Variants in PHLPP1 observed in about 807,000 individuals in gnomAD.
The protein encoded by PHLPP1 is PH domain and leucine rich repeat protein phosphatase 1, also known as PH domain leucine-rich repeat-containing protein phosphatase 1.
PHLPP1 carries 42 observed loss-of-function variants against 117.2 expected under a neutral mutation model. The observed-to-expected ratio is 0.36, with a 90% CI of 0.28 to 0.46. The LOEUF (loss-of-function observed/expected upper bound fraction) is 0.46, where lower values mean the gene tolerates loss of function less well. Ranked by LOEUF, PHLPP1 falls within the 20% of genes least tolerant of loss-of-function variation. PHLPP1 has a pLI of 1.00. For synonymous variants in PHLPP1, 1,042 were observed against 970.7 expected (o/e 1.07, Z -1.37); for missense variants, 2,084 against 2,241.9 (o/e 0.93, Z 1.42).
chr18:62,841,045 G>T (rs1406861587), intron 3 of PHLPP1, among the ~76,000 whole-genome samples: 1 of 151,936 alleles, frequency 6.6e-6, no homozygotes, highest in Non-Finnish European at 1.5e-5. Context: ...ATGTGCACAT[G>T]CCTGGCTAAT....
intron 1 of PHLPP1, among the ~76,000 whole-genome samples, chr18:62,784,673 G>A (rs955033587): frequency 3.3e-5 from 5 of 152,194 alleles, no homozygotes; most frequent in Admixed American, 1.3e-4. Context: ...ACGTGTTAAC[G>A]TTTTGGACTA....
At chr18:62,742,549 C>T (rs1029400009) in intron 1 of PHLPP1, among the ~76,000 whole-genome samples, 2 of 152,236 alleles carry the variant, frequency 1.3e-5, no homozygotes, top group African/African-American at 4.8e-5. Context: ...GATTCTCCTG[C>T]CTCAGCCTCC....
chr18:62,746,915 A>G (rs1168740576), intron 1 of PHLPP1, among the ~76,000 whole-genome samples: 1 of 152,166 alleles, frequency 6.6e-6, no homozygotes, highest in Non-Finnish European at 1.5e-5. Flanking sequence ...ATTCAAATGT[A>G]TCTAATGGTT....
Position 62,920,300 on chromosome 18 carries a change from A to G in PHLPP1, c.2960+186A>G, listed in dbSNP as rs1037103853. Among the ~76,000 whole-genome samples the G allele has an allele frequency of 2.0e-5, 3 of 152,166 alleles. No homozygotes were observed. The South Asian group carries it at 6.2e-4, about 32-fold the overall frequency. On this transcript the variant is annotated intron_variant, in intron 10 of 16. Transcript: ENST00000262719. ...GGCGATGGAGTCAGGAGCAACCTAT[A>G]GATTCTTTATTAACTTTGCTGCTCT...
rs369608246 is a variant in PHLPP1 at position 62,760,979 on chromosome 18, C to T, written c.1576+43720C>T. ...AGCTCAGGTGATCCTCCTGCCTCAGCCTCCCAAGTAGCTGGGACTACAGGC... is the reference window on the plus strand; with the variant it reads ...AGCTCAGGTGATCCTCCTGCCTCAGTCTCCCAAGTAGCTGGGACTACAGGC... On this transcript the variant is annotated intron_variant, in intron 1 of 16. Coordinates refer to ENST00000262719, the MANE Select transcript of PHLPP1 (RefSeq NM_194449.4). Among the ~76,000 whole-genome samples, 48 of 152,242 alleles carry T rather than the reference C, an allele frequency of 3.2e-4. 1 individual carries two copies. In the East Asian group the frequency reaches 3.5e-3, roughly 11 times the overall value.
At chr18:62,758,579 C>A (rs767196890) in intron 1 of PHLPP1, among the ~76,000 whole-genome samples, 7 of 152,200 alleles carry the variant, frequency 4.6e-5, no homozygotes, top group Non-Finnish European at 8.8e-5. Context: ...TAAAGAGCCT[C>A]TGACACCTTA....
intron 1 of PHLPP1, among the ~76,000 whole-genome samples, chr18:62,792,401 A>AT (rs1381425903): frequency 3.9e-5 from 6 of 152,006 alleles, no homozygotes; most frequent in Admixed American, 1.3e-4. Context: ...TTTTTTTATA[A>AT]TTTTTTTGAT....
At chr18:62,934,058 A>G (rs1167078370) in intron 10 of PHLPP1, among the ~76,000 whole-genome samples, 1 of 152,200 alleles carries the variant, frequency 6.6e-6, no homozygotes, top group Non-Finnish European at 1.5e-5. Context: ...AATGACTATT[A>G]AGTCAAAATA....
intron 10 of PHLPP1, among the ~76,000 whole-genome samples, chr18:62,931,205 A>ACAACAACAAC (rs1555682659): frequency 6.7e-6 from 1 of 148,498 alleles, no homozygotes; most frequent in Non-Finnish European, 1.5e-5. Flanking sequence ...TAAAAAAAAA[A>ACAACAACAAC]AACAACAACA....
At chr18:62,820,413 T>C (rs764192740) in intron 1 of PHLPP1, among the ~76,000 whole-genome samples, 7 of 152,244 alleles carry the variant, frequency 4.6e-5, no homozygotes, top group African/African-American at 7.2e-5. Flanking sequence ...ATATGGAACA[T>C]TGATATGGTT....
At chr18:62,919,302 C>T (rs1413137455) in intron 9 of PHLPP1, among the ~76,000 whole-genome samples, 1 of 152,154 alleles carries the variant, frequency 6.6e-6, no homozygotes, top group East Asian at 1.9e-4. Flanking sequence ...TTACAAGAAA[C>T]ACAGCCAAGC....
Position 62,978,246 on chromosome 18 carries a change from AC to A in PHLPP1, c.3985-13del, listed in dbSNP as rs1336266570. 3 of 1,525,770 alleles carry A rather than the reference AC, an allele frequency of 2.0e-6. No individual in the cohort carries two copies. Among genetic ancestry groups the A allele is most frequent in the Non-Finnish European group, 2.7e-6 (3 of 1,110,578 alleles). 94.5% of individuals were successfully genotyped at this position (1,525,770 alleles called of 1,614,324 possible). On this transcript the variant is annotated splice_polypyrimidine_tract_variant and intron_variant, in intron 16 of 16. Coordinates refer to ENST00000262719, the MANE Select transcript of PHLPP1 (RefSeq NM_194449.4). The surrounding 1 kb of genome is among the most constrained non-coding windows in gnomAD (Gnocchi z 7.0). ...CTCTGTATTAACTGTCTGTCTGCAAACCCTTGTTCTTCCAGGATGGCAAGGT... is the reference window on the plus strand; with the variant it reads ...CTCTGTATTAACTGTCTGTCTGCAAACCTTGTTCTTCCAGGATGGCAAGGT...
chr18:62,930,257 G>A (rs1909767790), intron 10 of PHLPP1, among the ~76,000 whole-genome samples: 1 of 152,148 alleles, frequency 6.6e-6, no homozygotes, highest in Non-Finnish European at 1.5e-5. Context: ...ATATGAATAT[G>A]AAATAATTAT....
chr18:62,890,964 T>C (rs1916391840), intron 4 of PHLPP1, among the ~76,000 whole-genome samples: 1 of 152,194 alleles, frequency 6.6e-6, no homozygotes, highest in Admixed American at 6.5e-5. Flanking sequence ...AGAGCAGCAG[T>C]TTCATCTGTG....
intron 14 of PHLPP1, among the ~76,000 whole-genome samples, chr18:62,970,443 G>A (rs1473115707): frequency 6.6e-6 from 1 of 152,126 alleles, no homozygotes; most frequent in East Asian, 1.9e-4. Context: ...ATTCTATTAA[G>A]AATCACTGTT....
At position 62,891,973 on chromosome 18, in the gene PHLPP1, AATG is replaced by A. The variant is rs914262443; in HGVS notation, c.2067-3034_2067-3032del. ...GACAGTAATAAAGCATATTAACATA[AATG>A]ATGTTTTTAGTAACTTTTTAAATGA... On this transcript the variant is annotated intron_variant, in intron 4 of 16. Coordinates refer to ENST00000262719, the MANE Select transcript of PHLPP1 (RefSeq NM_194449.4). 2.3e-4 allele frequency among the ~76,000 whole-genome samples: 35 copies of A among 151,336 alleles called. 1 individual carries two copies. The highest frequency in any genetic ancestry group is 8.2e-4 in the African/African-American group (34 of 41,330).
chr18:62,766,076 AATATAT>A (rs60058262), intron 1 of PHLPP1, among the ~76,000 whole-genome samples: 255 of 21,662 alleles, frequency 0.012, 32 homozygotes, highest in African/African-American at 0.029. Context: ...AAAAAAAAAA[AATATAT>A]ATATATATAT....
intron 10 of PHLPP1, among the ~76,000 whole-genome samples, chr18:62,922,295 TC>T (rs1357511495): frequency 6.6e-6 from 1 of 152,100 alleles, no homozygotes; most frequent in Non-Finnish European, 1.5e-5. Context: ...TGCCACCACT[TC>T]CAGCTAATTT....
rs1301618037 is a variant in PHLPP1, at chr18:62,979,147, A to C, written c.4870A>C (p.Asn1624His). ...TGGGACCATTGGGCGCCGGAGGGCCAATGGCTCTGTTGCGCCCCAGGAAAG... is the reference window on the plus strand; with the variant it reads ...TGGGACCATTGGGCGCCGGAGGGCCCATGGCTCTGTTGCGCCCCAGGAAAG... ...AVGTIGRRRA[N>H]GSVAPQERSH... The change falls in exon 17 of 17, where the codon AAT becomes CAT. Residue 1624 changes from asparagine to histidine, a missense_variant. By Grantham distance (68) the Asn-to-His change is moderately conservative. Coordinates refer to ENST00000262719, the MANE Select transcript of PHLPP1 (RefSeq NM_194449.4). 6.2e-7 allele frequency: 1 copy of C among 1,613,812 alleles called. No homozygotes were observed.
Sources: gnomAD v4.1 joint callset for allele counts (sites outside exome capture counted in the v4.1 genomes callset) on GRCh38, gnomAD v4.1.1 for gene constraint, Gnocchi (gnomAD v3.1) non-coding constraint, MANE v1.5 for transcripts, NCBI Gene and HGNC (gene_info 2026-07-23, HGNC 2026-07-21) for gene names.